Variants in MFHAS1 observed in about 807,000 individuals in gnomAD.
MFHAS1 encodes the protein malignant fibrous histiocytoma-amplified sequence 1.
A neutral mutation model predicts 70.4 loss-of-function variants in MFHAS1; 50 were observed. The observed-to-expected ratio is 0.71, with a 90% confidence interval of 0.57 to 0.90. The LOEUF (loss-of-function observed/expected upper bound fraction) is 0.90, where lower values mean the gene tolerates loss of function less well. MFHAS1 is among the 40% of genes least tolerant of loss of function. The pLI, the probability that MFHAS1 is intolerant of heterozygous loss-of-function variation, is 0.00. For synonymous variants in MFHAS1, 952 were observed against 620.0 expected, an observed-to-expected ratio of 1.54 and a Z score of -7.96; for missense variants, 1,795 against 1,347.6, an observed-to-expected ratio of 1.33 and a Z score of -5.20.
rs935030376 is a variant in MFHAS1 at position 8,785,158 on chromosome 8, C to T, written c.*864G>A. On this transcript the variant is annotated 3_prime_UTR_variant, in exon 3 of 3. Transcript: ENST00000276282. ...AAGCCATTAAAAGACTCAAGTTTTG[C>T]ATGGACTTTTTGTCCTCTTTGGCCC... 1 of 152,206 alleles carries T rather than the reference C, an allele frequency of 6.6e-6. No homozygotes were observed. Among genetic ancestry groups the T allele is most frequent in the African/African-American group, 2.4e-5 (1 of 41,452 alleles). The allele number at this position is 152,206 out of a possible 1,614,324, so 9.4% of individuals were successfully genotyped here. A position where few individuals can be genotyped will look rare whatever the true frequency, so the allele number is the denominator to read the frequency against.
chr8:8,879,702 C>T (rs141575108), intron 1 of MFHAS1, among the ~76,000 whole-genome samples: 14 of 152,194 alleles, frequency 9.2e-5, no homozygotes, highest in Middle Eastern at 3.4e-3. Flanking sequence ...GGTCAGATTC[C>T]GTATTTACAA....
chr8:8,872,177 G>A (rs556317573), intron 1 of MFHAS1, among the ~76,000 whole-genome samples: 1 of 152,284 alleles, frequency 6.6e-6, no homozygotes, highest in South Asian at 2.1e-4. Context: ...CAAAGCCAGC[G>A]ACACACCACC....
chr8:8,823,581 G>C (rs1486621858), intron 1 of MFHAS1, among the ~76,000 whole-genome samples: 1 of 151,668 alleles, frequency 6.6e-6, no homozygotes, highest in African/African-American at 2.4e-5. Context: ...TAATTTTCTA[G>C]GCTTCATAAA....
intron 1 of MFHAS1, among the ~76,000 whole-genome samples, chr8:8,812,601 GT>G (rs1806590017): frequency 6.6e-6 from 1 of 152,104 alleles, no homozygotes; most frequent in Non-Finnish European, 1.5e-5. Flanking sequence ...TTTGACTGGG[GT>G]TTTTGCCCTA....
At chr8:8,808,335 G>C (rs113048679) in intron 1 of MFHAS1, among the ~76,000 whole-genome samples, 2 of 151,948 alleles carry the variant, frequency 1.3e-5, no homozygotes, top group African/African-American at 4.8e-5. Context: ...CCTCTGCCCA[G>C]TGTCCCCACG....
intron 1 of MFHAS1, among the ~76,000 whole-genome samples, chr8:8,804,469 C>A (rs1180721572): frequency 1.3e-5 from 2 of 152,196 alleles, no homozygotes; most frequent in Non-Finnish European, 2.9e-5. Context: ...CTTTGGAAAC[C>A]ATTTGTGAAG....
At chr8:8,786,147 C>T in intron 2 of MFHAS1, 92 bp from the exon 3 acceptor site, 1 of 1,182,002 alleles carries the variant, frequency 8.5e-7, no homozygotes. Context: ...TGATAGAAAT[C>T]TATTTTCTGC....
chr8:8,849,919 G>C (rs1049776132), intron 1 of MFHAS1, among the ~76,000 whole-genome samples: 1 of 152,210 alleles, frequency 6.6e-6, no homozygotes, highest in Non-Finnish European at 1.5e-5. Flanking sequence ...GAGACAGAAA[G>C]CAACCAGGTC....
rs1312401418 is a variant in MFHAS1, at chr8:8,893,148, T to G, written c.-90A>C. ...CCCCGGGCCCTCCGGCTCCTGCCCC[T>G]GCCTGCCCTCCCGCGCTCGGCGGCC... is the stretch of plus-strand genomic sequence containing the variant. On this transcript the variant is annotated 5_prime_UTR_variant, in exon 1 of 3. Coordinates refer to ENST00000276282, the MANE Select transcript of MFHAS1 (RefSeq NM_004225.3). 12 of 869,830 alleles carry G rather than the reference T, an allele frequency of 1.4e-5. No individual in the cohort carries two copies. Among genetic ancestry groups the G allele is most frequent in the Non-Finnish European group, 3.0e-6 (2 of 658,534 alleles). 53.9% of individuals were successfully genotyped at this position (869,830 alleles called of 1,614,324 possible). A position where few individuals can be genotyped will look rare whatever the true frequency, so the allele number is the denominator to read the frequency against.
intron 1 of MFHAS1, among the ~76,000 whole-genome samples, chr8:8,876,130 T>C (rs924105462): frequency 6.6e-6 from 1 of 152,140 alleles, no homozygotes; most frequent in African/African-American, 2.4e-5. Flanking sequence ...TATAACTCAA[T>C]CTTCAGAACC....
rs531645560 is a variant in MFHAS1 at position 8,806,373 on chromosome 8, T to C, written c.2999-8882A>G. Among the ~76,000 whole-genome samples, 13 of 152,292 alleles carry C rather than the reference T, an allele frequency of 8.5e-5. 1 individual carries two copies. In the South Asian group the frequency reaches 2.7e-3, roughly 32 times the overall value. On this transcript the variant is annotated intron_variant, in intron 1 of 2. Coordinates refer to ENST00000276282, the MANE Select transcript of MFHAS1 (RefSeq NM_004225.3). Reference sequence around the variant, plus strand: ...ATATAACTGGGGGCCAGAATAAACATCCAGGGCCAGCAAGTGAACCTGGCT... The same window carrying C: ...ATATAACTGGGGGCCAGAATAAACACCCAGGGCCAGCAAGTGAACCTGGCT...
intron 1 of MFHAS1, among the ~76,000 whole-genome samples, chr8:8,883,732 G>A (rs748513665): frequency 0.016 from 1,361 of 87,190 alleles, 1 homozygote; most frequent in African/African-American, 0.028. Flanking sequence ...AAAAAAAAAA[G>A]AAAGGGCTCC....
chr8:8,823,604 T>C (rs1273837808), intron 1 of MFHAS1, among the ~76,000 whole-genome samples: 1 of 151,720 alleles, frequency 6.6e-6, no homozygotes, highest in Non-Finnish European at 1.5e-5. Flanking sequence ...TCCTCACAAA[T>C]TTAGCATGAA....
rs192390532 is a variant in MFHAS1 at position 8,859,473 on chromosome 8, C to A, written c.2998+30588G>T. Among the ~76,000 whole-genome samples the A allele has an allele frequency of 1.1e-3, 169 of 152,272 alleles. 1 individual carries two copies. The highest frequency in any genetic ancestry group is 3.3e-3 in the South Asian group (16 of 4,818). ...AAATACAGTTGATCGTTTAACAACACGGGTGTGAACTGTGCTGGTCTACTT... is the reference window on the plus strand; with the variant it reads ...AAATACAGTTGATCGTTTAACAACAAGGGTGTGAACTGTGCTGGTCTACTT... On this transcript the variant is annotated intron_variant, in intron 1 of 2. Transcript: ENST00000276282.
chr8:8,871,407 G>A (rs1001081795), intron 1 of MFHAS1, among the ~76,000 whole-genome samples: 1 of 152,130 alleles, frequency 6.6e-6, no homozygotes, highest in Non-Finnish European at 1.5e-5. Context: ...AAAATTAGCT[G>A]GGCATGGTGG....
At chr8:8,849,064 C>CTTTTTTTTTTTTTTTTTTTTTT (rs145250762) in intron 1 of MFHAS1, among the ~76,000 whole-genome samples, 1 of 75,772 alleles carries the variant, frequency 1.3e-5, no homozygotes, top group Non-Finnish European at 2.4e-5. Context: ...TCCTTTTTAC[C>CTTTTTTTTTTTTTTTTTTTTTT]TTTTTTTTTT....
intron 2 of MFHAS1, among the ~76,000 whole-genome samples, chr8:8,796,862 G>A (rs1446027236): frequency 3.3e-5 from 5 of 151,098 alleles, no homozygotes; most frequent in African/African-American, 1.2e-4. Context: ...TGGGCATGGT[G>A]GTGGGCGCCT....
intron 1 of MFHAS1, among the ~76,000 whole-genome samples, chr8:8,809,039 G>C (rs1806446462): frequency 1.3e-5 from 2 of 152,110 alleles, no homozygotes; most frequent in Admixed American, 1.3e-4. Context: ...ATTCTCATAA[G>C]AGTGGGCAAA....
In MFHAS1 at chr8:8,893,070, G is replaced by A. The variant is rs1466416798; in HGVS notation, c.-12C>T. 4 of 1,473,656 alleles carry A rather than the reference G, an allele frequency of 2.7e-6. No homozygotes were observed. Among genetic ancestry groups the A allele is most frequent in the Non-Finnish European group, 3.6e-6 (4 of 1,121,040 alleles). The allele number at this position is 1,473,656 out of a possible 1,614,324, so 91.3% of individuals were successfully genotyped here. On this transcript the variant is annotated 5_prime_UTR_variant, in exon 1 of 3. Coordinates refer to ENST00000276282, the MANE Select transcript of MFHAS1 (RefSeq NM_004225.3). ...TCCATCCCAGCCATGGCGGGGCCCC[G>A]GGCCGACAGCCTCACGCGGACGCGG... is the stretch of plus-strand genomic sequence containing the variant.
Sources: gnomAD v4.1 joint callset for allele counts (sites outside exome capture counted in the v4.1 genomes callset) on GRCh38, gnomAD v4.1.1 for gene constraint, MANE v1.5 for transcripts, NCBI Gene and HGNC (gene_info 2026-07-23, HGNC 2026-07-21) for gene names.